The following CFAP95 variants were observed in gnomAD, a reference collection of about 807,000 sequenced individuals.
CFAP95 encodes the protein cilia and flagella associated protein 95.
the CFAP95 span, chr9:69,821,041 GT>G: frequency 6.2e-7 from 1 of 1,612,104 alleles, no homozygotes; most frequent in Non-Finnish European, 8.5e-7. Flanking sequence ...GGTGAGCGAA[GT>G]CCCCTCGCAA....
At chr9:69,903,291 A>T in the CFAP95 span, among the ~76,000 whole-genome samples, 14 of 152,188 alleles carry the variant, frequency 9.2e-5, no homozygotes, top group Admixed American at 3.9e-4. Context: ...ATCTGTTTGG[A>T]CCAATTTAAG....
At chr9:69,831,408 C>T in the CFAP95 span, among the ~76,000 whole-genome samples, 42,332 of 151,846 alleles carry the variant, frequency 0.28, 6,587 homozygotes, top group South Asian at 0.36. Context: ...CTTTTATTCA[C>T]TATCTTCTTT....
the CFAP95 span, among the ~76,000 whole-genome samples, chr9:69,901,142 G>GA: frequency 7.0e-6 from 1 of 142,766 alleles, no homozygotes; most frequent in Non-Finnish European, 1.5e-5. Flanking sequence ...TTTGGTTTTG[G>GA]TTTTTTTTTT....
the CFAP95 span, among the ~76,000 whole-genome samples, chr9:69,905,591 CAT>C: frequency 4.6e-5 from 7 of 151,990 alleles, no homozygotes; most frequent in African/African-American, 1.7e-4. Context: ...ATGGTTATAA[CAT>C]ATTTTTAAAA....
the CFAP95 span, chr9:69,884,960 C>T: frequency 6.6e-6 from 1 of 152,162 alleles, no homozygotes; most frequent in African/African-American, 2.4e-5. Context: ...ACCTGAAGGG[C>T]TTGCTGAGAT....
chr9:69,902,429 T>A, the CFAP95 span: 9 of 408,720 alleles, frequency 2.2e-5, no homozygotes, highest in Non-Finnish European at 3.8e-5. Context: ...TCAAAAATCC[T>A]ATTTTGTATG....
the CFAP95 span, among the ~76,000 whole-genome samples, chr9:69,843,881 A>T: frequency 6.6e-6 from 1 of 151,618 alleles, no homozygotes; most frequent in Non-Finnish European, 1.5e-5. Flanking sequence ...GGCTCAAGGG[A>T]TCTGCCTGCC....
the CFAP95 span, among the ~76,000 whole-genome samples, chr9:69,825,965 C>T: frequency 1.3e-5 from 2 of 152,120 alleles, no homozygotes; most frequent in Non-Finnish European, 2.9e-5. Flanking sequence ...TCTTCCCTGC[C>T]TAAGCCCCAA....
chr9:69,896,834 A>G, the CFAP95 span, among the ~76,000 whole-genome samples: 139 of 152,276 alleles, frequency 9.1e-4, no homozygotes, highest in African/African-American at 3.1e-3. Context: ...ACCTGCAGTG[A>G]GCTATGATTG....
chr9:69,879,050 C>T, the CFAP95 span, among the ~76,000 whole-genome samples: 1 of 152,140 alleles, frequency 6.6e-6, no homozygotes, highest in African/African-American at 2.4e-5. Context: ...GATCTGCCTC[C>T]ATGACCCAAA....
the CFAP95 span, among the ~76,000 whole-genome samples, chr9:69,866,826 C>G: frequency 3.9e-5 from 6 of 152,170 alleles, no homozygotes; most frequent in African/African-American, 1.4e-4. Context: ...TCTTAAACTA[C>G]CCGGGCTCCT....
chr9:69,828,079 T>C, the CFAP95 span, among the ~76,000 whole-genome samples: 1 of 152,192 alleles, frequency 6.6e-6, no homozygotes, highest in Non-Finnish European at 1.5e-5. Flanking sequence ...TTCTTGTTAA[T>C]AGAAGCTTAA....
chr9:69,822,578 G>T, the CFAP95 span, among the ~76,000 whole-genome samples: 1 of 152,190 alleles, frequency 6.6e-6, no homozygotes, highest in Non-Finnish European at 1.5e-5. Flanking sequence ...AGAGATTTGA[G>T]TCATACCATA....
the CFAP95 span, among the ~76,000 whole-genome samples, chr9:69,901,927 C>T: frequency 1.3e-5 from 2 of 152,132 alleles, no homozygotes; most frequent in African/African-American, 4.8e-5. Flanking sequence ...ATTCACATTT[C>T]TCTGATGGCC....
chr9:69,868,917 A>G, the CFAP95 span, among the ~76,000 whole-genome samples: 1 of 151,954 alleles, frequency 6.6e-6, no homozygotes, highest in African/African-American at 2.4e-5. Context: ...ATCACTAATT[A>G]CCAGGCAAAT....
the CFAP95 span, among the ~76,000 whole-genome samples, chr9:69,851,731 G>A: frequency 6.6e-6 from 1 of 152,080 alleles, no homozygotes; most frequent in Non-Finnish European, 1.5e-5. Context: ...AGCCAGGTGT[G>A]GTGGTGCACG....
chr9:69,902,925 A>G, the CFAP95 span, among the ~76,000 whole-genome samples: 1 of 152,064 alleles, frequency 6.6e-6, no homozygotes, highest in Non-Finnish European at 1.5e-5. Context: ...GTTTTGACCC[A>G]TTTATTTCCT....
At chr9:69,905,951 T>G in the CFAP95 span, 19 of 1,568,216 alleles carry the variant, frequency 1.2e-5, no homozygotes, top group South Asian at 1.4e-4. Context: ...TTTTCCCCCA[T>G]AGGCTTATCC....
chr9:69,866,115 A>T, the CFAP95 span, among the ~76,000 whole-genome samples: 1 of 152,222 alleles, frequency 6.6e-6, no homozygotes, highest in Non-Finnish European at 1.5e-5. Context: ...CCTCTGGCAC[A>T]TACTTAAGTT....
Sources: gnomAD v4.1 joint callset for allele counts (sites outside exome capture counted in the v4.1 genomes callset) on GRCh38, gnomAD v4.1.1 for gene constraint, MANE v1.5 for transcripts, NCBI Gene and HGNC (gene_info 2026-07-23, HGNC 2026-07-21) for gene names.